PRKAR2A: variants seen among roughly 807,000 people sequenced by gnomAD.
The protein encoded by PRKAR2A is cAMP-dependent protein kinase type II-alpha regulatory subunit.
In PRKAR2A, 29 loss-of-function variants were observed where a neutral mutation model predicts 51.9. The observed-to-expected ratio is 0.56, with a 90% CI of 0.42 to 0.76. PRKAR2A has a LOEUF of 0.76. Among genes scored for constraint, PRKAR2A ranks in the 30% least tolerant of loss-of-function variants. The pLI, the probability that PRKAR2A is intolerant of heterozygous loss-of-function variation, is 0.00. For synonymous variants in PRKAR2A, 178 were observed against 186.2 expected, an observed-to-expected ratio of 0.96 and a Z score of 0.36; for missense variants, 445 against 512.1, an observed-to-expected ratio of 0.87 and a Z score of 1.26.
chr3:48,837,352 T>C (rs79717925), intron 1 of PRKAR2A, among the ~76,000 whole-genome samples: 1 of 152,210 alleles, frequency 6.6e-6, no homozygotes, highest in African/African-American at 2.4e-5. Flanking sequence ...AGATGTCCAC[T>C]CAACATCATT....
At chr3:48,788,029 T>G (rs1053471809) in intron 4 of PRKAR2A, among the ~76,000 whole-genome samples, 1 of 152,130 alleles carries the variant, frequency 6.6e-6, no homozygotes. Flanking sequence ...TGTTTTTAAT[T>G]TTAAATTTTT....
At chr3:48,752,401 A>C in intron 9 of PRKAR2A, 84 bp from the exon 10 acceptor site, 5 of 1,395,990 alleles carry the variant, frequency 3.6e-6, no homozygotes, top group Non-Finnish European at 3.9e-6. Flanking sequence ...CACTGTTCTC[A>C]GCATACTCTA....
rs1198719838 is a variant in PRKAR2A at position 48,832,039 on chromosome 3, A to C, written c.262+15296T>G. On this transcript the variant is annotated intron_variant, in intron 1 of 10. Coordinates refer to ENST00000265563, the MANE Select transcript of PRKAR2A (RefSeq NM_004157.4). ...CCGGGTGGGGCGGCTCACGCCTGTA[A>C]TTCCAGCACTTTGGGAGGCCGAGGC... Among the ~76,000 whole-genome samples, 5 of 152,252 alleles carry C rather than the reference A, an allele frequency of 3.3e-5. No homozygotes were observed. In the East Asian group the frequency reaches 9.7e-4, roughly 29 times the overall value.
At chr3:48,809,455 G>A (rs2082734434) in intron 1 of PRKAR2A, among the ~76,000 whole-genome samples, 1 of 151,586 alleles carries the variant, frequency 6.6e-6, no homozygotes. Context: ...AATTAGCTGG[G>A]CGTGGTGGCG....
chr3:48,821,859 G>A (rs1051091631), intron 1 of PRKAR2A, among the ~76,000 whole-genome samples: 2 of 149,688 alleles, frequency 1.3e-5, no homozygotes, highest in Non-Finnish European at 3.0e-5. Flanking sequence ...AGGTTGCAGT[G>A]AGCCGAGATT....
chr3:48,807,565 T>G, intron 2 of PRKAR2A, 84 bp downstream of exon 2: 1 of 1,146,198 alleles, frequency 8.7e-7, no homozygotes, highest in Non-Finnish European at 1.3e-6. Flanking sequence ...GGAGCTTATC[T>G]TTTTATTCAA....
intron 1 of PRKAR2A, among the ~76,000 whole-genome samples, chr3:48,828,068 G>A (rs1020929803): frequency 3.3e-5 from 5 of 152,086 alleles, no homozygotes; most frequent in Middle Eastern, 3.2e-3. Context: ...GTTTCACCAC[G>A]TTGGTCAGGC....
chr3:48,786,128 G>GTTTT (rs566059607), intron 4 of PRKAR2A, among the ~76,000 whole-genome samples: 1 of 135,374 alleles, frequency 7.4e-6, no homozygotes, highest in South Asian at 2.4e-4. Flanking sequence ...GTTTTTTTTT[G>GTTTT]TTTTTTTTTT....
intron 6 of PRKAR2A, among the ~76,000 whole-genome samples, chr3:48,772,005 G>C (rs2082036562): frequency 6.6e-6 from 1 of 152,092 alleles, no homozygotes; most frequent in African/African-American, 2.4e-5. Flanking sequence ...TGGATTTCAG[G>C]CTTTCCAGCA....
At chr3:48,775,176 A>C (rs768429773) in intron 5 of PRKAR2A, among the ~76,000 whole-genome samples, 14 of 152,020 alleles carry the variant, frequency 9.2e-5, no homozygotes, top group Non-Finnish European at 1.8e-4. Flanking sequence ...CGGTGGCTCA[A>C]GCCTATAATC....
intron 1 of PRKAR2A, among the ~76,000 whole-genome samples, chr3:48,811,340 C>T (rs946762831): frequency 3.3e-5 from 5 of 152,048 alleles, no homozygotes; most frequent in East Asian, 1.9e-4. Context: ...CCAGGCACAG[C>T]GGCTAATGCC....
intron 1 of PRKAR2A, among the ~76,000 whole-genome samples, chr3:48,833,107 C>A (rs143533925): frequency 2.0e-5 from 3 of 152,324 alleles, no homozygotes; most frequent in African/African-American, 7.2e-5. Context: ...GCAATCACAG[C>A]TCACCATAGC....
chr3:48,789,281 C>A (rs1175489644), intron 4 of PRKAR2A, among the ~76,000 whole-genome samples: 1 of 152,146 alleles, frequency 6.6e-6, no homozygotes, highest in East Asian at 1.9e-4. Flanking sequence ...ATGTGGATGT[C>A]TGAAACCACA....
chr3:48,758,030 TG>T (rs1475963710), intron 8 of PRKAR2A, among the ~76,000 whole-genome samples: 1 of 151,998 alleles, frequency 6.6e-6, no homozygotes, highest in Non-Finnish European at 1.5e-5. Flanking sequence ...CACTCCAGCC[TG>T]GGCGACAAGA....
rs2081630997 is a variant in PRKAR2A, at chr3:48,750,460, CA to C, written c.*1124del. Reference sequence around the variant, plus strand: ...AAGCGATCCTCCCAGCTCAGCCTCCCAAAGCACTACAATTATAGGCATGAGC... The same window carrying C: ...AAGCGATCCTCCCAGCTCAGCCTCCCAAGCACTACAATTATAGGCATGAGC... On this transcript the variant is annotated 3_prime_UTR_variant, in exon 11 of 11. Transcript: ENST00000265563. The C allele has an allele frequency of 6.6e-6, 1 of 152,146 alleles. No homozygotes were observed. The highest frequency in any genetic ancestry group is 2.4e-5 in the African/African-American group (1 of 41,420). The allele number at this position is 152,146 out of a possible 1,614,324, so 9.4% of individuals were successfully genotyped here. A position where few individuals can be genotyped will look rare whatever the true frequency, so the allele number is the denominator to read the frequency against.
chr3:48,772,376 T>A (rs930397110), intron 6 of PRKAR2A, among the ~76,000 whole-genome samples: 8 of 151,382 alleles, frequency 5.3e-5, no homozygotes, highest in Non-Finnish European at 7.4e-5. Flanking sequence ...CTGGCCAATT[T>A]TCATATTTTT....
chr3:48,805,058 T>C (rs916063549), intron 2 of PRKAR2A, among the ~76,000 whole-genome samples: 1 of 152,028 alleles, frequency 6.6e-6, no homozygotes, highest in Non-Finnish European at 1.5e-5. Flanking sequence ...ACTACATGTG[T>C]GCACCATCAT....
At position 48,748,447 on chromosome 3, in the gene PRKAR2A, T is replaced by C. The variant is rs954171889; in HGVS notation, c.*3138A>G. ...CTATGCCCAACCTGAGCAGGATGAC[T>C]TAAACCTGATCAATTCTACTCCAAA... On this transcript the variant is annotated 3_prime_UTR_variant, in exon 11 of 11. Coordinates refer to ENST00000265563, the MANE Select transcript of PRKAR2A (RefSeq NM_004157.4). 1 of 152,084 alleles carries C rather than the reference T, an allele frequency of 6.6e-6. No individual in the cohort carries two copies. 9.4% of individuals were successfully genotyped at this position (152,084 alleles called of 1,614,324 possible).
At chr3:48,830,111 G>A (rs2083164285) in intron 1 of PRKAR2A, among the ~76,000 whole-genome samples, 1 of 151,518 alleles carries the variant, frequency 6.6e-6, no homozygotes, top group South Asian at 2.1e-4. Context: ...GCTGGGGCAA[G>A]GGAATCACTC....
Sources: gnomAD v4.1 joint callset for allele counts (sites outside exome capture counted in the v4.1 genomes callset) on GRCh38, gnomAD v4.1.1 for gene constraint, MANE v1.5 for transcripts, NCBI Gene and HGNC (gene_info 2026-07-23, HGNC 2026-07-21) for gene names.